The following BOD1L1 variants were observed in gnomAD, a reference collection of about 807,000 sequenced individuals.
BOD1L1 encodes the protein biorientation of chromosomes in cell division 1 like 1, also known as biorientation of chromosomes in cell division protein 1-like 1.
In BOD1L1, 86 loss-of-function variants were observed where a neutral mutation model predicts 240.7. The observed-to-expected ratio is 0.36, with a 90% CI of 0.30 to 0.43. The LOEUF is 0.43. Among genes scored for constraint, BOD1L1 ranks in the 20% least tolerant of loss-of-function variants. The pLI, the probability that BOD1L1 is intolerant of heterozygous loss-of-function variation, is 1.00. For synonymous variants in BOD1L1, 1,268 were observed against 1,272.3 expected, an observed-to-expected ratio of 1.00 and a Z score of 0.07; for missense variants, 3,554 against 3,643.5, an observed-to-expected ratio of 0.98 and a Z score of 0.63.
chr4:13,610,072 T>C (rs1360635105), intron 6 of BOD1L1, among the ~76,000 whole-genome samples: 1 of 152,214 alleles, frequency 6.6e-6, no homozygotes, highest in Non-Finnish European at 1.5e-5. Flanking sequence ...TTTGGGGTAG[T>C]TTCTTCAAAT....
Position 13,613,958 on chromosome 4 carries a change from T to C in BOD1L1, c.1174+238A>G, listed in dbSNP as rs1329789522. 6.6e-6 allele frequency among the ~76,000 whole-genome samples: 1 copy of C among 152,182 alleles called. No homozygotes were observed. The highest frequency in any genetic ancestry group is 6.5e-5 in the Admixed American group (1 of 15,282). ...GAACTAAGTTGCTTAAAATAATGTATGTGAATAAATTATAAGACAAATTAT... is the reference window on the plus strand; with the variant it reads ...GAACTAAGTTGCTTAAAATAATGTACGTGAATAAATTATAAGACAAATTAT... On this transcript the variant is annotated intron_variant, in intron 4 of 25. Transcript: ENST00000040738. This position sits in a 1 kb window ranked among gnomAD's most constrained non-coding sequence, Gnocchi z 4.0.
chr4:13,588,175 G>C (rs1390198725), intron 15 of BOD1L1, among the ~76,000 whole-genome samples: 1 of 140,742 alleles, frequency 7.1e-6, no homozygotes, highest in South Asian at 2.3e-4. Context: ...GCAACAGGGG[G>C]AGACTGTTTC....
rs367658881 is a variant in BOD1L1 at position 13,586,348 on chromosome 4, C to T, written c.8433+48G>A. The T allele has an allele frequency of 4.2e-5, 50 of 1,200,638 alleles. No individual in the cohort carries two copies. In the African/African-American group the frequency reaches 7.0e-4, roughly 17 times the overall value. 74.4% of individuals were successfully genotyped at this position (1,200,638 alleles called of 1,614,324 possible). On this transcript the variant is annotated intron_variant, in intron 17 of 25. Transcript: ENST00000040738. ...AAGTATTTACAATGCTGTAATTAGG[C>T]CTCCCTACCCCCACCCAAAACTTAA... is the stretch of plus-strand genomic sequence containing the variant.
chr4:13,595,875 T>G lies in BOD1L1; in HGVS notation c.8089A>C (p.Lys2697Gln). 1 of 1,613,746 alleles carries G rather than the reference T, an allele frequency of 6.2e-7. No individual in the cohort carries two copies. ...LAPPESLCGG[K>Q]PSGIAELQRE... Reference sequence around the variant, plus strand: ...AAGAGCTCACCTATTCCACTTGGCTTTCCCCCACACAGACTTTCTGGTGGT... The same window carrying G: ...AAGAGCTCACCTATTCCACTTGGCTGTCCCCCACACAGACTTTCTGGTGGT... Residue 2697 changes from lysine to glutamine, a missense_variant, in exon 12 of 26, where the codon AAG becomes CAG. Coordinates refer to ENST00000040738, the MANE Select transcript of BOD1L1 (RefSeq NM_148894.3).
chr4:13,582,697 T>A lies in BOD1L1; in HGVS notation c.8473A>T (p.Ser2825Cys). 1 of 1,613,122 alleles carries A rather than the reference T, an allele frequency of 6.2e-7. No individual in the cohort carries two copies. The highest frequency in any genetic ancestry group is 8.5e-7 in the Non-Finnish European group (1 of 1,179,134). ...SRDLEELPKT[S>C]SETNSTTSRV... ...GAGGTAGTGCTATTTGTCTCAGAAC[T>A]GGTTTTAGGTAATTCTTCCAAATCT... Residue 2825 changes from serine (S) to cysteine (C), a missense_variant, in exon 18 of 26, where the codon AGT (serine) becomes TGT (cysteine). Coordinates refer to ENST00000040738, the MANE Select transcript of BOD1L1 (RefSeq NM_148894.3).
At chr4:13,591,854 T>A (rs543058687) in intron 13 of BOD1L1, 69 bp downstream of exon 13, 3 of 1,259,192 alleles carry the variant, frequency 2.4e-6, no homozygotes, top group African/African-American at 3.1e-5. Context: ...TCCTCCTCAA[T>A]AGCTCTCCAA....
intron 6 of BOD1L1, 30 bp downstream of exon 6, chr4:13,610,904 G>T (rs1201558782): frequency 1.3e-6 from 2 of 1,561,778 alleles, no homozygotes; most frequent in African/African-American, 2.7e-5. Context: ...TGATGTAGTA[G>T]GTTAAAATAA....
In BOD1L1 at chr4:13,568,761, A is replaced by G. The variant is rs1293156431; in HGVS notation, c.*1250T>C. 3 of 152,492 alleles carry G rather than the reference A, an allele frequency of 2.0e-5. No individual in the cohort carries two copies. Among genetic ancestry groups the G allele is most frequent in the Admixed American group, 1.3e-4 (2 of 15,280 alleles). The allele number at this position is 152,492 out of a possible 1,614,324, so 9.4% of individuals were successfully genotyped here. On this transcript the variant is annotated 3_prime_UTR_variant, in exon 26 of 26. Transcript: ENST00000040738. Reference sequence around the variant, plus strand: ...AATTTTGGTAAACATTTTATAATTTATATATAAAATCTCAGTAAGAAACCA... The same window carrying G: ...AATTTTGGTAAACATTTTATAATTTGTATATAAAATCTCAGTAAGAAACCA...
chr4:13,610,983 T>C lies in BOD1L1; in HGVS notation c.1442A>G (p.Tyr481Cys), dbSNP rs1180651162. The part of the protein sequence containing the change: ...VHKPYLYSKY[Y>C]SDSDDELTVE... ...AGTAAGCTCATCATCAGAATCACTA[T>C]AGTATTTTGAGTAAAGATATGGTTT... Residue 481 changes from tyrosine to cysteine, a missense_variant, in exon 6 of 26, where the codon TAT becomes TGT. Physicochemically the swap from Tyr to Cys is radical, Grantham distance 194. Coordinates refer to ENST00000040738, the MANE Select transcript of BOD1L1 (RefSeq NM_148894.3). 2.5e-6 allele frequency: 4 copies of C among 1,612,464 alleles called. No individual in the cohort carries two copies. Among genetic ancestry groups the C allele is most frequent in the Non-Finnish European group, 3.4e-6 (4 of 1,179,066 alleles).
At chr4:13,605,898 T>C (rs1244228345) in intron 9 of BOD1L1, among the ~76,000 whole-genome samples, 5 of 152,282 alleles carry the variant, frequency 3.3e-5, no homozygotes, top group African/African-American at 9.6e-5. Flanking sequence ...GACAAGAGCA[T>C]CTAAACCTTC....
At chr4:13,587,580 A>G in intron 16 of BOD1L1, 119 bp downstream of exon 16, 1 of 724,840 alleles carries the variant, frequency 1.4e-6, no homozygotes, top group Non-Finnish European at 2.3e-6. Flanking sequence ...ATTAGCCTCA[A>G]GACTTGTAAA....
At chr4:13,607,215 A>C (rs1215024030) in intron 8 of BOD1L1, 26 bp from the exon 9 acceptor site, 2 of 1,418,042 alleles carry the variant, frequency 1.4e-6, no homozygotes, top group South Asian at 1.6e-5. Flanking sequence ...TCAAATATAA[A>C]GCATGAATCA....
Position 13,614,782 on chromosome 4 carries a change from A to T in BOD1L1, c.588T>A (p.Asn196Lys). The T allele has an allele frequency of 6.2e-7, 1 of 1,613,470 alleles. No homozygotes were observed. The highest frequency in any genetic ancestry group is 1.1e-5 in the South Asian group (1 of 91,036). ...ATATCGACATGGCATCATTGGCTAC[A>T]TTAGCACTGGGCCCAGGAGTAGGAA... ...QGVPTPGPSA[N>K]VANDAMSILE... is the part of the protein sequence containing the mutation. The change falls in exon 4 of 26, where the codon AAT (asparagine) becomes AAA (lysine). Residue 196 changes from asparagine (N) to lysine (K), a missense_variant. Asn to Lys is a moderately conservative substitution (Grantham distance 94). This residue lies in a region of BOD1L1 where 3,393 missense variants were observed against 3,427.1 expected (regional missense o/e 0.99). Transcript: ENST00000040738.
chr4:13,570,136 A>G lies in BOD1L1; in HGVS notation c.9039-8T>C. On this transcript the variant is annotated splice_region_variant and splice_polypyrimidine_tract_variant and intron_variant, in intron 25 of 25. Transcript: ENST00000040738. ...GAGAGCTGTGTCTTTGATCTGCATTAAGCAAAGTCAAGGCAATGGTGAGGT... is the reference window on the plus strand; with the variant it reads ...GAGAGCTGTGTCTTTGATCTGCATTGAGCAAAGTCAAGGCAATGGTGAGGT... The G allele has an allele frequency of 6.4e-7, 1 of 1,551,428 alleles. No individual in the cohort carries two copies. The highest frequency in any genetic ancestry group is 8.7e-7 in the Non-Finnish European group (1 of 1,151,852).
chr4:13,582,417 AT>A, intron 18 of BOD1L1, 107 bp from the exon 19 acceptor site: 1 of 844,810 alleles, frequency 1.2e-6, no homozygotes. Context: ...CACACACTCC[AT>A]TTTCATGTTT....
intron 11 of BOD1L1, among the ~76,000 whole-genome samples, chr4:13,596,585 T>TAAA (rs5856197): frequency 6.8e-6 from 1 of 146,964 alleles, no homozygotes; most frequent in Non-Finnish European, 1.5e-5. Context: ...AAGCCATGCT[T>TAAA]AAAAAAAAAA....
chr4:13,589,101 T>A (rs1713968788), intron 14 of BOD1L1, among the ~76,000 whole-genome samples: 1 of 152,216 alleles, frequency 6.6e-6, no homozygotes, highest in East Asian at 1.9e-4. Context: ...TCCCCCCAGT[T>A]TGTGTAGCAA....
In BOD1L1 at chr4:13,600,117, C is replaced by T. The variant is rs754546073; in HGVS notation, c.6783G>A (p.Val2261=). ...DGSGIISTSS[V]EDCEGPVSSA... is the part of the protein sequence containing the mutation. ...TGGACACTGGGCCCTCACAGTCTTC[C>T]ACCGAGCTCGTAGAGATGATGCCAC... Residue 2261 remains valine (V), a synonymous_variant, in exon 10 of 26, where the codon GTG becomes GTA. Transcript: ENST00000040738. 8 of 1,613,940 alleles carry T rather than the reference C, an allele frequency of 5.0e-6. No individual in the cohort carries two copies. The South Asian group carries it at 6.6e-5, about 13-fold the overall frequency.
rs144596986 is a variant in BOD1L1 at position 13,602,360 on chromosome 4, T to C, written c.4540A>G (p.Lys1514Glu). 383 of 1,613,850 alleles carry C rather than the reference T, an allele frequency of 2.4e-4. No homozygotes were observed. Among genetic ancestry groups the C allele is most frequent in the Non-Finnish European group, 3.1e-4 (364 of 1,179,884 alleles). Residue 1514 changes from lysine (K) to glutamate (E), a missense_variant, in exon 10 of 26, where the codon AAG becomes GAG. This residue lies in a region of BOD1L1 where 3,393 missense variants were observed against 3,427.1 expected (regional missense o/e 0.99). Coordinates refer to ENST00000040738, the MANE Select transcript of BOD1L1 (RefSeq NM_148894.3). The stretch of plus-strand genomic sequence containing the variant: ...TCAGTACTAGTGGCAACAGAAGTCT[T>C]TTCTGCTCTCCTAGGCCCAGTTGCC... ...DVATGPRRAEKTSVATSTEGK... is the reference protein window; with the variant it reads ...DVATGPRRAEETSVATSTEGK...
Sources: allele counts gnomAD v4.1 joint callset (sites outside exome capture counted in the v4.1 genomes callset), GRCh38; gene constraint gnomAD v4.1.1; regional missense constraint gnomAD v4.1.1; non-coding constraint Gnocchi (gnomAD v3.1); transcripts MANE v1.5; gene names NCBI Gene and HGNC (gene_info 2026-07-23, HGNC 2026-07-21).